The following TSPAN7 variants were observed in gnomAD, a reference collection of about 807,000 sequenced individuals.
The protein encoded by TSPAN7 is tetraspanin-7.
A neutral mutation model predicts 17.6 loss-of-function variants in TSPAN7; 1 was observed. The observed-to-expected ratio is 0.06, with a 90% CI of 0.02 to 0.27. TSPAN7 has a LOEUF of 0.27. Among genes scored for constraint, TSPAN7 ranks in the 10% least tolerant of loss-of-function variants. The pLI is 1.00. For missense variants in TSPAN7, 112 were observed against 201.7 expected (o/e 0.56, Z 2.69); for synonymous variants, 78 against 79.0 (o/e 0.99, Z 0.07).
At chrX:38,598,786 A>G (rs910792978) in intron 1 of TSPAN7, among the ~76,000 whole-genome samples, 2 of 111,645 alleles carry the variant, frequency 1.8e-5, no homozygotes, top group Non-Finnish European at 3.8e-5. Context: ...TATAGAACCC[A>G]TAATGAGCAT....
At chrX:38,659,999 G>GTAT (rs2069734428) in intron 1 of TSPAN7, among the ~76,000 whole-genome samples, 2 of 107,611 alleles carry the variant, frequency 1.9e-5, no homozygotes, top group East Asian at 5.8e-4. Context: ...GCTAATTTTT[G>GTAT]TATTTTTAGT....
intron 5 of TSPAN7, among the ~76,000 whole-genome samples, chrX:38,680,875 C>T (rs1234036847): frequency 1.8e-5 from 2 of 111,509 alleles, no homozygotes; most frequent in Admixed American, 9.5e-5. Context: ...TAAACTTAAT[C>T]CTACTACAGA....
At chrX:38,674,136 G>A in intron 3 of TSPAN7, 85 bp from the exon 4 acceptor site, 1 of 701,992 alleles carries the variant, frequency 1.4e-6, no homozygotes, top group Non-Finnish European at 2.2e-6. Context: ...TTCAGAAGAG[G>A]CTATGTTAGG....
At chrX:38,611,649 T>C (rs2069419032) in intron 1 of TSPAN7, among the ~76,000 whole-genome samples, 1 of 112,063 alleles carries the variant, frequency 8.9e-6, no homozygotes, top group Admixed American at 9.4e-5. Flanking sequence ...GGGAACAGAC[T>C]GTCCACTGCT....
intron 1 of TSPAN7, among the ~76,000 whole-genome samples, chrX:38,564,739 T>C (rs768551300): frequency 7.1e-5 from 8 of 112,336 alleles, no homozygotes; most frequent in Non-Finnish European, 1.5e-4. Context: ...ATGCTGAGTG[T>C]CTTTTTTATG....
At chrX:38,586,914 T>G (rs1602089126) in intron 1 of TSPAN7, among the ~76,000 whole-genome samples, 1 of 112,708 alleles carries the variant, frequency 8.9e-6, no homozygotes, top group African/African-American at 3.2e-5. Context: ...TATTCTTCAT[T>G]TTTTCCCTCT....
intron 1 of TSPAN7, among the ~76,000 whole-genome samples, chrX:38,595,582 TCTC>T (rs2069315196): frequency 8.9e-6 from 1 of 111,863 alleles, no homozygotes; most frequent in African/African-American, 3.2e-5. Context: ...AGTTATTTTT[TCTC>T]CTTAATTGCA....
chrX:38,610,894 G>A (rs1443751064), intron 1 of TSPAN7, among the ~76,000 whole-genome samples: 1 of 112,314 alleles, frequency 8.9e-6, no homozygotes, highest in African/African-American at 3.2e-5. Context: ...GTAGCCAGCT[G>A]TTTCACTTTA....
chrX:38,670,537 C>G (rs1412122888), intron 2 of TSPAN7, among the ~76,000 whole-genome samples: 1 of 112,321 alleles, frequency 8.9e-6, no homozygotes, highest in East Asian at 2.8e-4. Flanking sequence ...CACGCAGCAT[C>G]CCGAACAAGA....
intron 2 of TSPAN7, among the ~76,000 whole-genome samples, chrX:38,670,744 A>G (rs755098465): frequency 8.0e-5 from 9 of 112,747 alleles, no homozygotes; most frequent in Non-Finnish European, 1.5e-4. Context: ...CCTAGGCAGC[A>G]GGTTCTCATC....
chrX:38,649,710 T>C (rs2069665815), intron 1 of TSPAN7, among the ~76,000 whole-genome samples: 1 of 112,148 alleles, frequency 8.9e-6, no homozygotes, highest in Non-Finnish European at 1.9e-5. Flanking sequence ...TTTCTGATGC[T>C]GTACAGGATG....
chrX:38,683,162 A>T (rs189608505), intron 6 of TSPAN7, among the ~76,000 whole-genome samples: 1 of 112,244 alleles, frequency 8.9e-6, no homozygotes, highest in African/African-American at 3.2e-5. Context: ...GAATATTCCC[A>T]TGTGGCCATG....
chrX:38,623,151 C>G, intron 1 of TSPAN7: 1 of 320,442 alleles, frequency 3.1e-6, no homozygotes, highest in Admixed American at 3.2e-5. Context: ...TGAGGCAGCA[C>G]TTTGTAAACC....
chrX:38,580,083 G>A (rs2069220180), intron 1 of TSPAN7, among the ~76,000 whole-genome samples: 1 of 112,065 alleles, frequency 8.9e-6, no homozygotes, highest in South Asian at 3.7e-4. Flanking sequence ...TAGTTTAGAG[G>A]CTGGCAAACT....
intron 6 of TSPAN7, among the ~76,000 whole-genome samples, chrX:38,686,229 C>T (rs2069926102): frequency 8.9e-6 from 1 of 111,977 alleles, no homozygotes; most frequent in African/African-American, 3.2e-5. Context: ...TACCTGAAAG[C>T]GGTTATAGTT....
At chrX:38,576,601 G>A (rs35464991) in intron 1 of TSPAN7, among the ~76,000 whole-genome samples, 8,295 of 111,625 alleles carry the variant, frequency 0.074, 615 homozygotes, top group African/African-American at 0.22. Flanking sequence ...GTGCCTCTTG[G>A]ACAGCAATGA....
chrX:38,562,497 G>A (rs1321981016), intron 1 of TSPAN7, among the ~76,000 whole-genome samples: 2 of 107,301 alleles, frequency 1.9e-5, no homozygotes, highest in Non-Finnish European at 3.9e-5. Flanking sequence ...CCCTCAGCCA[G>A]GGCCGCGGGG....
chrX:38,680,539 TTCTCTCTCTC>T lies in TSPAN7; in HGVS notation c.598-629_598-620del, dbSNP rs61619425. ...AGTTTCAAATAAATATACTTACAAA[TTCTCTCTCTC>T]TCTCTCTCTCTCTCTCTCTCTCTCT... On this transcript the variant is annotated intron_variant, in intron 5 of 7. Coordinates refer to ENST00000378482, the MANE Select transcript of TSPAN7 (RefSeq NM_004615.4). 6.2e-3 allele frequency among the ~76,000 whole-genome samples: 469 copies of T among 75,598 alleles called. 5 individuals are homozygous for T. The highest frequency in any genetic ancestry group is 0.018 in the African/African-American group (357 of 20,329). The allele number at this position is 75,598 out of a possible 115,157, so 65.6% of individuals were successfully genotyped here.
chrX:38,561,774 G>A, intron 1 of TSPAN7, 147 bp downstream of exon 1: 2 of 481,867 alleles, frequency 4.2e-6, no homozygotes, highest in Admixed American at 6.3e-5. Context: ...GTGCTGGGTC[G>A]GGGCTGCAGG....
Sources: allele counts gnomAD v4.1 joint callset (sites outside exome capture counted in the v4.1 genomes callset), GRCh38; gene constraint gnomAD v4.1.1; transcripts MANE v1.5; gene names NCBI Gene and HGNC (gene_info 2026-07-23, HGNC 2026-07-21).